The following RIN2 variants were observed in gnomAD, a reference collection of about 807,000 sequenced individuals.
The protein encoded by RIN2 is RAB5 interacting protein 2.
RIN2 carries 36 observed loss-of-function variants against 78.0 expected under a neutral mutation model. The observed-to-expected ratio is 0.46, with a 90% CI of 0.35 to 0.61. RIN2 has a LOEUF of 0.61. RIN2 is among the 20% of genes least tolerant of loss of function. RIN2 has a pLI of 0.00. For synonymous variants in RIN2, 466 were observed against 466.8 expected (o/e 1.00, Z 0.02); for missense variants, 1,087 against 1,159.7 (o/e 0.94, Z 0.91).
intron 1 of RIN2, among the ~76,000 whole-genome samples, chr20:19,780,307 G>A (rs1214072376): frequency 6.6e-6 from 1 of 152,206 alleles, no homozygotes; most frequent in East Asian, 1.9e-4. Context: ...GACAGCTTCC[G>A]ATAGTGGTCC....
chr20:19,782,620 G>A (rs1341477556), intron 1 of RIN2, among the ~76,000 whole-genome samples: 4 of 151,628 alleles, frequency 2.6e-5, no homozygotes, highest in South Asian at 2.1e-4. Flanking sequence ...TAAAAATAAC[G>A]GCTGATTTAA....
chr20:19,945,546 C>T (rs1002906149), intron 4 of RIN2, among the ~76,000 whole-genome samples: 6 of 152,180 alleles, frequency 3.9e-5, no homozygotes, highest in African/African-American at 1.2e-4. Flanking sequence ...TCTCATTCTC[C>T]GTGCTGGAAT....
chr20:19,959,255 A>G (rs1378300240), intron 5 of RIN2, among the ~76,000 whole-genome samples: 1 of 152,180 alleles, frequency 6.6e-6, no homozygotes, highest in Non-Finnish European at 1.5e-5. Flanking sequence ...GTAAGGCTGC[A>G]GTCCTCCAAA....
In RIN2 at chr20:19,799,607, A is replaced by G. The variant is rs2035178365; in HGVS notation, c.-162-15A>G. On this transcript the variant is annotated splice_polypyrimidine_tract_variant and intron_variant, in intron 1 of 12. Coordinates refer to ENST00000255006, the MANE Select transcript of RIN2 (RefSeq NM_018993.4). ...ATACATACAAAACCCTGAATGGTCA[A>G]TTTTTGTGTTGTAGATGGAGACGAG... 1 of 152,194 alleles carries G rather than the reference A, an allele frequency of 6.6e-6. No homozygotes were observed. The highest frequency in any genetic ancestry group is 1.5e-5 in the Non-Finnish European group (1 of 68,048). 9.4% of individuals were successfully genotyped at this position (152,194 alleles called of 1,614,324 possible).
chr20:19,898,303 CCAGGTTCCCCT>C (rs1458490953), intron 3 of RIN2, among the ~76,000 whole-genome samples: 2 of 152,136 alleles, frequency 1.3e-5, no homozygotes, highest in Non-Finnish European at 2.9e-5. Flanking sequence ...AGCAGATTGC[CCAGGTTCCCCT>C]CAATGATGTA....
intron 2 of RIN2, among the ~76,000 whole-genome samples, chr20:19,840,229 G>T (rs1016979335): frequency 2.0e-5 from 3 of 152,190 alleles, no homozygotes; most frequent in Non-Finnish European, 4.4e-5. Context: ...TCACACAAAG[G>T]TTTGCCAGTG....
intron 2 of RIN2, among the ~76,000 whole-genome samples, chr20:19,878,482 A>G (rs6046400): frequency 0.85 from 130,105 of 152,204 alleles, 55,745 homozygotes; most frequent in East Asian, 0.94. Context: ...GACAAAACAC[A>G]GACGAGTCTG....
At chr20:19,921,770 G>A (rs533270357) in intron 3 of RIN2, among the ~76,000 whole-genome samples, 16 of 152,204 alleles carry the variant, frequency 1.1e-4, no homozygotes, top group Admixed American at 3.3e-4. Flanking sequence ...GTGGGGGTTG[G>A]AGCCTGGAGG....
chr20:19,968,387 G>A (rs1260874537), intron 7 of RIN2, among the ~76,000 whole-genome samples: 1 of 152,172 alleles, frequency 6.6e-6, no homozygotes, highest in Non-Finnish European at 1.5e-5. Context: ...TTTCTGTTAT[G>A]CAAGCTTTAG....
intron 10 of RIN2, among the ~76,000 whole-genome samples, chr20:19,990,968 CTTG>C (rs2042781286): frequency 6.6e-6 from 1 of 152,180 alleles, no homozygotes; most frequent in African/African-American, 2.4e-5. Context: ...CAGATTTAGC[CTTG>C]TTGTTTCCTG....
chr20:19,903,397 T>C (rs1394577500), intron 3 of RIN2, among the ~76,000 whole-genome samples: 1 of 152,156 alleles, frequency 6.6e-6, no homozygotes, highest in Non-Finnish European at 1.5e-5. Flanking sequence ...CCTTGAATAG[T>C]TGGTGTTTAC....
intron 3 of RIN2, among the ~76,000 whole-genome samples, chr20:19,891,621 C>T (rs535182240): frequency 2.4e-4 from 37 of 152,288 alleles, no homozygotes; most frequent in African/African-American, 7.9e-4. Flanking sequence ...GAGTTCGAGA[C>T]GAGCCTGGCC....
intron 1 of RIN2, 24 bp downstream of exon 1, chr20:19,758,351 C>T (rs939223320): frequency 1.3e-5 from 2 of 152,250 alleles, no homozygotes; most frequent in Non-Finnish European, 2.9e-5. Flanking sequence ...GCAGCGGAGA[C>T]CCCACCCCCT....
At chr20:19,987,390 G>A (rs1452217830) in intron 9 of RIN2, among the ~76,000 whole-genome samples, 1 of 152,118 alleles carries the variant, frequency 6.6e-6, no homozygotes, top group African/African-American at 2.4e-5. Context: ...TTGGATGAGA[G>A]GAATAAACTG....
intron 1 of RIN2, among the ~76,000 whole-genome samples, chr20:19,796,441 GT>G (rs1297408087): frequency 6.6e-6 from 1 of 152,182 alleles, no homozygotes; most frequent in Non-Finnish European, 1.5e-5. Context: ...ATCCAGCGTT[GT>G]TTTAAATAAA....
rs372459307 is a variant in RIN2 at position 19,895,291 on chromosome 20, C to T, written c.57+5633C>T. On this transcript the variant is annotated intron_variant, in intron 3 of 12. Coordinates refer to ENST00000255006, the MANE Select transcript of RIN2 (RefSeq NM_018993.4). ...GATTTGTTCTTTCCATTTGTCATCA[C>T]GGCTATGATCCTGAGAGGGATCCTC... Among the ~76,000 whole-genome samples the T allele has an allele frequency of 1.1e-3, 167 of 152,286 alleles. 3 individuals are homozygous for T. The highest frequency in any genetic ancestry group is 3.7e-3 in the African/African-American group (155 of 41,552).
chr20:19,865,464 C>A (rs2037473910), intron 2 of RIN2, among the ~76,000 whole-genome samples: 1 of 150,280 alleles, frequency 6.7e-6, no homozygotes. Flanking sequence ...ATTCAAATTT[C>A]ATTTTAAAAG....
At chr20:19,906,629 C>T (rs1030710571) in intron 3 of RIN2, among the ~76,000 whole-genome samples, 1 of 152,180 alleles carries the variant, frequency 6.6e-6, no homozygotes, top group Non-Finnish European at 1.5e-5. Context: ...GGTCTGCGGC[C>T]ATCTGGAGAA....
chr20:19,903,289 C>T (rs960755005), intron 3 of RIN2, among the ~76,000 whole-genome samples: 3 of 151,888 alleles, frequency 2.0e-5, no homozygotes, highest in Non-Finnish European at 4.4e-5. Context: ...GAGGAGCAGC[C>T]AGCGCTCGTG....
Sources: allele counts gnomAD v4.1 joint callset (sites outside exome capture counted in the v4.1 genomes callset), GRCh38; gene constraint gnomAD v4.1.1; transcripts MANE v1.5; gene names NCBI Gene and HGNC (gene_info 2026-07-23, HGNC 2026-07-21).